The following SORCS3 variants were observed in gnomAD, a reference collection of about 807,000 sequenced individuals.
SORCS3 encodes sortilin related VPS10 domain containing receptor 3, also known as VPS10 domain-containing receptor SorCS3.
SORCS3 carries 57 observed loss-of-function variants against 146.3 expected under a neutral mutation model. The observed-to-expected ratio is 0.39, with a 90% CI of 0.31 to 0.49. SORCS3 has a LOEUF of 0.49. SORCS3 is among the 20% of genes least tolerant of loss of function. The probability of loss-of-function intolerance (pLI) is 0.92; values close to 1 mark genes in which losing one functional copy is unlikely to be tolerated. For missense variants in SORCS3, 1,341 were observed against 1,575.5 expected, an observed-to-expected ratio of 0.85 and a Z score of 2.52; for synonymous variants, 653 against 618.5, an observed-to-expected ratio of 1.06 and a Z score of -0.83.
intron 1 of SORCS3, among the ~76,000 whole-genome samples, chr10:104,788,992 C>A (rs576143769): frequency 1.1e-4 from 16 of 152,282 alleles, no homozygotes; most frequent in African/African-American, 2.9e-4. Flanking sequence ...CTTTGTCTTC[C>A]CCCACCTGGG....
chr10:105,077,694 C>T (rs1038054515), intron 5 of SORCS3, among the ~76,000 whole-genome samples: 1 of 152,176 alleles, frequency 6.6e-6, no homozygotes, highest in Non-Finnish European at 1.5e-5. Context: ...ATCTGGAAGA[C>T]CAGCTTAAGA....
chr10:105,159,708 A>G (rs1461710748), intron 11 of SORCS3, among the ~76,000 whole-genome samples: 2 of 152,238 alleles, frequency 1.3e-5, no homozygotes, highest in East Asian at 3.8e-4. Context: ...TTATTTTTCT[A>G]ATGAAAGCAG....
Position 104,823,222 on chromosome 10 carries a change from C to T in SORCS3, c.628-19570C>T, listed in dbSNP as rs180673340. ...AGGTTTCCAAGACAGGGAGGATGCA[C>T]AAGTTTGGGGAAATAAGTTGGAAAC... On this transcript the variant is annotated intron_variant, in intron 1 of 26. Coordinates refer to ENST00000369701, the MANE Select transcript of SORCS3 (RefSeq NM_014978.3). Among the ~76,000 whole-genome samples, 13 of 152,146 alleles carry T rather than the reference C, an allele frequency of 8.5e-5. No individual in the cohort carries two copies. The East Asian group carries it at 2.3e-3, about 27-fold the overall frequency.
At chr10:104,982,405 A>T (rs2054936183) in intron 4 of SORCS3, among the ~76,000 whole-genome samples, 1 of 152,204 alleles carries the variant, frequency 6.6e-6, no homozygotes, top group African/African-American at 2.4e-5. Context: ...CTCCAGGATT[A>T]GTAGGCGATG....
chr10:105,158,686 G>A (rs767446431), intron 10 of SORCS3, among the ~76,000 whole-genome samples: 2 of 151,328 alleles, frequency 1.3e-5, no homozygotes, highest in African/African-American at 4.9e-5. Flanking sequence ...GGCAGGAGGG[G>A]GTTTATGGAA....
At chr10:104,695,457 G>A (rs1027998694) in intron 1 of SORCS3, among the ~76,000 whole-genome samples, 1 of 151,608 alleles carries the variant, frequency 6.6e-6, no homozygotes, top group Non-Finnish European at 1.5e-5. Context: ...CTTGTAGGTG[G>A]TTATAAAAGA....
At chr10:105,248,272 G>A (rs2056878995) in intron 22 of SORCS3, among the ~76,000 whole-genome samples, 1 of 152,192 alleles carries the variant, frequency 6.6e-6, no homozygotes, top group Non-Finnish European at 1.5e-5. Flanking sequence ...AGAGAGAACA[G>A]TATGATTCAC....
chr10:104,761,371 T>A (rs554614847), intron 1 of SORCS3, among the ~76,000 whole-genome samples: 2 of 152,114 alleles, frequency 1.3e-5, no homozygotes, highest in African/African-American at 4.8e-5. Flanking sequence ...GAAGTGTATC[T>A]GGAGAGAGAA....
chr10:104,850,977 C>T (rs186601290), intron 2 of SORCS3, among the ~76,000 whole-genome samples: 2 of 152,290 alleles, frequency 1.3e-5, no homozygotes, highest in Admixed American at 1.3e-4. Flanking sequence ...TGGATATTAT[C>T]CAGTTGGCAG....
chr10:105,048,378 T>C (rs2055388597), intron 5 of SORCS3, among the ~76,000 whole-genome samples: 1 of 151,040 alleles, frequency 6.6e-6, no homozygotes, highest in African/African-American at 2.4e-5. Context: ...ATTCATGTCC[T>C]TTGTAGGGAC....
chr10:104,924,522 A>G (rs1002142805), intron 3 of SORCS3, among the ~76,000 whole-genome samples: 8 of 152,310 alleles, frequency 5.3e-5, no homozygotes, highest in Middle Eastern at 6.8e-3. Flanking sequence ...TCTCATTTCA[A>G]ATGAACCTGG....
At position 105,235,311 on chromosome 10, in the gene SORCS3, C is replaced by T. The variant is rs950083377; in HGVS notation, c.2869-10231C>T. Among the ~76,000 whole-genome samples the T allele has an allele frequency of 3.9e-5, 6 of 151,944 alleles. No homozygotes were observed. The South Asian group carries it at 8.3e-4, about 21-fold the overall frequency. On this transcript the variant is annotated intron_variant, in intron 20 of 26. Transcript: ENST00000369701. The stretch of plus-strand genomic sequence containing the variant: ...TTCAGAATAATTATTTTCCCCCTCC[C>T]CTGATATAACCATATGGGCAATTTT...
intron 1 of SORCS3, among the ~76,000 whole-genome samples, chr10:104,764,220 T>C (rs2017154812): frequency 6.6e-6 from 1 of 152,216 alleles, no homozygotes; most frequent in South Asian, 2.1e-4. Flanking sequence ...TTCTGCTTTT[T>C]CAACAGTAGC....
intron 4 of SORCS3, among the ~76,000 whole-genome samples, chr10:104,990,636 A>G (rs2054987999): frequency 6.6e-6 from 1 of 152,162 alleles, no homozygotes; most frequent in East Asian, 1.9e-4. Flanking sequence ...CTCTAGGGAA[A>G]AAGGGACTTT....
intron 25 of SORCS3, among the ~76,000 whole-genome samples, chr10:105,261,471 T>C (rs2056960018): frequency 6.6e-6 from 1 of 152,148 alleles, no homozygotes; most frequent in Admixed American, 6.5e-5. Context: ...ACCCATCCAG[T>C]CCAGACTTAC....
chr10:104,673,295 A>T (rs1030367119), intron 1 of SORCS3, among the ~76,000 whole-genome samples: 2 of 151,890 alleles, frequency 1.3e-5, no homozygotes, highest in African/African-American at 4.8e-5. Flanking sequence ...TGACATGTTG[A>T]TATTTGTTTT....
intron 1 of SORCS3, among the ~76,000 whole-genome samples, chr10:104,743,103 G>C (rs538756365): frequency 6.6e-6 from 1 of 152,230 alleles, no homozygotes; most frequent in South Asian, 2.1e-4. Context: ...GAAAAATCTG[G>C]AGCTCAAAGA....
intron 1 of SORCS3, among the ~76,000 whole-genome samples, chr10:104,807,654 A>AT (rs1167458206): frequency 6.6e-6 from 1 of 151,990 alleles, no homozygotes; most frequent in Non-Finnish European, 1.5e-5. Context: ...TTTTCTCTTT[A>AT]TTTTTTTGAA....
chr10:104,746,477 C>T (rs942024207), intron 1 of SORCS3, among the ~76,000 whole-genome samples: 1 of 152,220 alleles, frequency 6.6e-6, no homozygotes, highest in Non-Finnish European at 1.5e-5. Context: ...GGCTAATGAA[C>T]AAATCCATCA....
Sources: gnomAD v4.1 joint callset for allele counts (sites outside exome capture counted in the v4.1 genomes callset) on GRCh38, gnomAD v4.1.1 for gene constraint, MANE v1.5 for transcripts, NCBI Gene and HGNC (gene_info 2026-07-23, HGNC 2026-07-21) for gene names.